The following SEC63 variants were observed in gnomAD, a reference collection of about 807,000 sequenced individuals.
SEC63 encodes the protein SEC63 protein translocation regulator, also known as translocation protein SEC63 homolog.
SEC63 carries 56 observed loss-of-function variants against 116.2 expected under a neutral mutation model. The ratio of observed to expected loss-of-function variants is 0.48; its 90% confidence interval spans 0.39 to 0.60. The LOEUF is 0.60. Ranked by LOEUF, SEC63 falls within the 20% of genes least tolerant of loss-of-function variation. The pLI is 0.00. For missense variants in SEC63, 668 were observed against 900.0 expected, an observed-to-expected ratio of 0.74 and a Z score of 3.30; for synonymous variants, 273 against 294.6, an observed-to-expected ratio of 0.93 and a Z score of 0.75.
At chr6:107,892,054 G>A (rs1786695665) in intron 16 of SEC63, among the ~76,000 whole-genome samples, 1 of 152,234 alleles carries the variant, frequency 6.6e-6, no homozygotes, top group Non-Finnish European at 1.5e-5. Flanking sequence ...GAGGCAGTCT[G>A]TCCCTTATCA....
intron 1 of SEC63, among the ~76,000 whole-genome samples, chr6:107,933,039 T>C (rs923914300): frequency 6.6e-6 from 1 of 152,040 alleles, no homozygotes; most frequent in Non-Finnish European, 1.5e-5. Context: ...AAGATTATCA[T>C]AGAAGGACCA....
chr6:107,945,706 T>G (rs889364293), intron 1 of SEC63, among the ~76,000 whole-genome samples: 4 of 151,990 alleles, frequency 2.6e-5, no homozygotes, highest in African/African-American at 9.7e-5. Flanking sequence ...CTGGTAATAA[T>G]AGGAAAACAT....
intron 5 of SEC63, 103 bp downstream of exon 5, chr6:107,913,263 G>T: frequency 3.6e-6 from 3 of 830,942 alleles, no homozygotes; most frequent in South Asian, 1.5e-5. Flanking sequence ...AACTCCATGT[G>T]AGTATAAGTT....
At chr6:107,885,137 C>T (rs961910158) in intron 16 of SEC63, among the ~76,000 whole-genome samples, 2 of 152,078 alleles carry the variant, frequency 1.3e-5, no homozygotes, top group South Asian at 2.1e-4. Flanking sequence ...CACTCTGAAT[C>T]AGTATTACAC....
chr6:107,912,809 T>C (rs779210060), intron 5 of SEC63, 35 bp from the exon 6 acceptor site: 1 of 1,485,446 alleles, frequency 6.7e-7, no homozygotes, highest in Non-Finnish European at 9.4e-7. Flanking sequence ...CTGAAGAATC[T>C]CTACTTTCAG....
Position 107,906,587 on chromosome 6 carries a change from TAAATA to T in SEC63, c.829-12_829-8del. 1.2e-6 allele frequency: 2 copies of T among 1,611,268 alleles called. No homozygotes were observed. The highest frequency in any genetic ancestry group is 8.5e-7 in the Non-Finnish European group (1 of 1,177,600). On this transcript the variant is annotated splice_region_variant and splice_polypyrimidine_tract_variant and intron_variant, in intron 9 of 20. Coordinates refer to ENST00000369002, the MANE Select transcript of SEC63 (RefSeq NM_007214.5). Reference sequence around the variant, plus strand: ...TGCCAATTTCTCTGATTAGCTAGAATAAATAAAATAATTATTCAAAAACACGCTTT... The same window carrying T: ...TGCCAATTTCTCTGATTAGCTAGAATAAATAATTATTCAAAAACACGCTTT...
chr6:107,881,753 A>T (rs887869427), intron 17 of SEC63, among the ~76,000 whole-genome samples: 11 of 152,154 alleles, frequency 7.2e-5, no homozygotes, highest in African/African-American at 2.4e-4. Context: ...AGATGTGTGT[A>T]ATTTCATATG....
chr6:107,872,090 G>A (rs1786148292), intron 20 of SEC63, among the ~76,000 whole-genome samples: 1 of 152,132 alleles, frequency 6.6e-6, no homozygotes, highest in African/African-American at 2.4e-5. Flanking sequence ...GATTCTGTAT[G>A]TTATACTATT....
At chr6:107,948,994 A>G (rs1770529017) in intron 1 of SEC63, among the ~76,000 whole-genome samples, 1 of 152,220 alleles carries the variant, frequency 6.6e-6, no homozygotes, top group Non-Finnish European at 1.5e-5. Context: ...CCATGTTCAC[A>G]TTAAATACAT....
chr6:107,872,461 A>G (rs114036782), intron 20 of SEC63, among the ~76,000 whole-genome samples: 2,326 of 152,184 alleles, frequency 0.015, 49 homozygotes, highest in African/African-American at 0.052. Flanking sequence ...AAAATAAATT[A>G]GTTTCAGAAA....
chr6:107,936,365 CA>C (rs1427920612), intron 1 of SEC63, among the ~76,000 whole-genome samples: 1 of 152,188 alleles, frequency 6.6e-6, no homozygotes, highest in African/African-American at 2.4e-5. Context: ...GGTACACATT[CA>C]AAATCTCTGT....
At chr6:107,956,562 G>A (rs1770716051) in intron 1 of SEC63, among the ~76,000 whole-genome samples, 1 of 152,058 alleles carries the variant, frequency 6.6e-6, no homozygotes, top group South Asian at 2.1e-4. Context: ...TACCCATTGA[G>A]TAAAAAAAGT....
At chr6:107,893,760 G>A (rs1786748431) in intron 15 of SEC63, 78 bp downstream of exon 15, 2 of 1,593,084 alleles carry the variant, frequency 1.3e-6, no homozygotes, top group South Asian at 2.2e-5. Flanking sequence ...CTCTCCCAGA[G>A]CAATATAAGT....
At position 107,942,525 on chromosome 6, in the gene SEC63, GAAA is replaced by G. The variant is rs539245297; in HGVS notation, c.125-13014_125-13012del. On this transcript the variant is annotated intron_variant, in intron 1 of 20. Transcript: ENST00000369002. The stretch of plus-strand genomic sequence containing the variant: ...GACTTTTCTGGACACTGAGGATATA[GAAA>G]AAAAACAAAACAAAAAACCCTGCTC... 1.2e-3 allele frequency among the ~76,000 whole-genome samples: 176 copies of G among 151,774 alleles called. 2 individuals are homozygous for G. Among genetic ancestry groups the G allele is most frequent in the African/African-American group, 4.1e-3 (170 of 41,394 alleles).
At chr6:107,944,582 A>G (rs924341351) in intron 1 of SEC63, among the ~76,000 whole-genome samples, 3 of 152,146 alleles carry the variant, frequency 2.0e-5, no homozygotes, top group African/African-American at 7.2e-5. Flanking sequence ...CTGTAATCCC[A>G]AGTACTCAGG....
intron 4 of SEC63, among the ~76,000 whole-genome samples, chr6:107,918,603 A>G (rs1787469679): frequency 1.3e-5 from 2 of 151,712 alleles, no homozygotes; most frequent in Non-Finnish European, 2.9e-5. Flanking sequence ...GAGGAAGAAG[A>G]ATTGCTTGAA....
intron 3 of SEC63, among the ~76,000 whole-genome samples, chr6:107,922,383 G>A (rs773613854): frequency 3.6e-4 from 55 of 152,184 alleles, no homozygotes; most frequent in Non-Finnish European, 7.5e-4. Flanking sequence ...ATGCACACCT[G>A]TAGTCCCAGC....
At chr6:107,950,165 C>T (rs1770549680) in intron 1 of SEC63, among the ~76,000 whole-genome samples, 1 of 151,656 alleles carries the variant, frequency 6.6e-6, no homozygotes, top group Admixed American at 6.6e-5. Flanking sequence ...GACTTTAAAA[C>T]AAAAAAGATT....
At chr6:107,939,395 A>G (rs1770324108) in intron 1 of SEC63, among the ~76,000 whole-genome samples, 3 of 152,236 alleles carry the variant, frequency 2.0e-5, no homozygotes, top group South Asian at 4.1e-4. Flanking sequence ...AGCTTATTCG[A>G]TGTATAGAAA....
Sources: gnomAD v4.1 joint callset for allele counts (sites outside exome capture counted in the v4.1 genomes callset) on GRCh38, gnomAD v4.1.1 for gene constraint, MANE v1.5 for transcripts, NCBI Gene and HGNC (gene_info 2026-07-23, HGNC 2026-07-21) for gene names.